Variants in TIMP2 observed in about 807,000 individuals in gnomAD.
TIMP2 encodes the protein TIMP metallopeptidase inhibitor 2.
Under a neutral mutation model 24.3 loss-of-function variants are expected in TIMP2, and 5 were observed. That is an observed-to-expected ratio of 0.21 (90% CI 0.11 to 0.43). TIMP2 has a LOEUF of 0.43. Among genes scored for constraint, TIMP2 ranks in the 20% least tolerant of loss-of-function variants. TIMP2 has a pLI of 1.00. For synonymous variants in TIMP2, 130 were observed against 123.2 expected (o/e 1.06, Z -0.37); for missense variants, 221 against 297.5 (o/e 0.74, Z 1.89).
chr17:78,860,659 C>G (rs529780899), intron 3 of TIMP2, among the ~76,000 whole-genome samples: 1 of 152,194 alleles, frequency 6.6e-6, no homozygotes, highest in Non-Finnish European at 1.5e-5. Flanking sequence ...AGGTGAGGAA[C>G]AGGATGAGAA....
intron 1 of TIMP2, among the ~76,000 whole-genome samples, chr17:78,884,133 G>A (rs989661188): frequency 6.6e-6 from 1 of 152,160 alleles, no homozygotes; most frequent in Non-Finnish European, 1.5e-5. Flanking sequence ...GACCGTGCAG[G>A]GCAGGAGGCA....
chr17:78,908,815 C>T (rs916838471), intron 1 of TIMP2, among the ~76,000 whole-genome samples: 6 of 152,226 alleles, frequency 3.9e-5, no homozygotes, highest in Admixed American at 3.9e-4. Context: ...GCCAACTGGG[C>T]CAAGTGGACA....
At chr17:78,885,653 G>A (rs1206774032) in intron 1 of TIMP2, among the ~76,000 whole-genome samples, 1 of 152,152 alleles carries the variant, frequency 6.6e-6, no homozygotes, top group Non-Finnish European at 1.5e-5. Flanking sequence ...GTGGTGGGAA[G>A]AGAGATGCTG....
intron 4 of TIMP2, chr17:78,856,934 G>C (rs965065583): frequency 6.6e-6 from 1 of 152,440 alleles, no homozygotes; most frequent in Non-Finnish European, 1.5e-5. Context: ...GGAAGCTACA[G>C]GTAACAGAGC....
chr17:78,889,418 T>A (rs2069858740), intron 1 of TIMP2, among the ~76,000 whole-genome samples: 1 of 152,240 alleles, frequency 6.6e-6, no homozygotes, highest in African/African-American at 2.4e-5. Flanking sequence ...CTACTCTCTT[T>A]TCTCTTAAAG....
At chr17:78,921,579 C>A (rs191956999) in intron 1 of TIMP2, among the ~76,000 whole-genome samples, 86 of 152,306 alleles carry the variant, frequency 5.6e-4, no homozygotes, top group African/African-American at 2.0e-3. Flanking sequence ...TAATTTCCAG[C>A]CAGATCCCTG....
At chr17:78,882,225 G>T (rs749979100) in intron 1 of TIMP2, among the ~76,000 whole-genome samples, 1 of 152,218 alleles carries the variant, frequency 6.6e-6, no homozygotes, top group Non-Finnish European at 1.5e-5. Context: ...ACCCATCTTG[G>T]CCTCCCAGAG....
At position 78,907,175 on chromosome 17, in the gene TIMP2, A is replaced by C. The variant is rs536649204; in HGVS notation, c.130+17784T>G. On this transcript the variant is annotated intron_variant, in intron 1 of 4. Transcript: ENST00000262768. Reference sequence around the variant, plus strand: ...CAGCCTCCTGAGTAGCTAGGACTACAGGCATGTGCCACCACACCCAGCTAA... The same window carrying C: ...CAGCCTCCTGAGTAGCTAGGACTACCGGCATGTGCCACCACACCCAGCTAA... Among the ~76,000 whole-genome samples, 4 of 152,208 alleles carry C rather than the reference A, an allele frequency of 2.6e-5. No homozygotes were observed. In the East Asian group the frequency reaches 7.8e-4, roughly 30 times the overall value.
chr17:78,881,379 C>T (rs2069778830), intron 1 of TIMP2, among the ~76,000 whole-genome samples: 1 of 152,244 alleles, frequency 6.6e-6, no homozygotes, highest in South Asian at 2.1e-4. Flanking sequence ...GGGGGCTTCA[C>T]ACATGTGCCA....
chr17:78,869,092 G>A (rs771979793), intron 3 of TIMP2, among the ~76,000 whole-genome samples: 9 of 152,214 alleles, frequency 5.9e-5, no homozygotes, highest in Admixed American at 2.6e-4. Flanking sequence ...AGAGGAGGCC[G>A]TAGAAGGAAG....
chr17:78,894,511 G>A (rs546365033), intron 1 of TIMP2, among the ~76,000 whole-genome samples: 179 of 152,272 alleles, frequency 1.2e-3, no homozygotes, highest in African/African-American at 3.3e-3. Flanking sequence ...CAATGATTGA[G>A]ATTTTTGACA....
chr17:78,883,884 G>C (rs2069801497), intron 1 of TIMP2, among the ~76,000 whole-genome samples: 1 of 152,224 alleles, frequency 6.6e-6, no homozygotes, highest in African/African-American at 2.4e-5. Flanking sequence ...ACGTCCCGCT[G>C]CCCTCCCTTT....
At position 78,855,280 on chromosome 17, in the gene TIMP2, A is replaced by G. The variant is rs2069516117; in HGVS notation, c.*387T>C. On this transcript the variant is annotated 3_prime_UTR_variant, in exon 5 of 5. Transcript: ENST00000262768. This position sits in a 1 kb window ranked among gnomAD's most constrained non-coding sequence, Gnocchi z 6.0. ...CTACACAGTCTTGCAACGACCCTCA[A>G]AAGTTTCTGCAAAATGCACATTTCC... is the stretch of plus-strand genomic sequence containing the variant. 3.4e-6 allele frequency: 1 copy of G among 290,060 alleles called. No homozygotes were observed. Among genetic ancestry groups the G allele is most frequent in the Non-Finnish European group, 6.8e-6 (1 of 147,852 alleles). 18.0% of individuals were successfully genotyped at this position (290,060 alleles called of 1,614,324 possible).
At chr17:78,871,046 CCA>C in intron 2 of TIMP2, 40 bp from the exon 3 acceptor site, 2 of 1,554,696 alleles carry the variant, frequency 1.3e-6, no homozygotes, top group South Asian at 1.1e-5. Context: ...CAGAGGGAGG[CCA>C]CACAGTTGGT....
At chr17:78,859,282 G>A (rs1428133602) in intron 3 of TIMP2, among the ~76,000 whole-genome samples, 3 of 152,108 alleles carry the variant, frequency 2.0e-5, no homozygotes, top group Non-Finnish European at 2.9e-5. Context: ...TAGCCTTGGC[G>A]TTTTACAAGC....
chr17:78,922,780 T>C (rs149759594), intron 1 of TIMP2, among the ~76,000 whole-genome samples: 3 of 152,084 alleles, frequency 2.0e-5, no homozygotes, highest in East Asian at 1.9e-4. Context: ...GATTGCGCCA[T>C]TGCACTCCAG....
intron 1 of TIMP2, among the ~76,000 whole-genome samples, chr17:78,886,081 C>G (rs953492152): frequency 1.1e-4 from 17 of 152,218 alleles, no homozygotes; most frequent in African/African-American, 3.6e-4. Flanking sequence ...AAGAACCACC[C>G]TGTCCCCTTA....
intron 1 of TIMP2, among the ~76,000 whole-genome samples, chr17:78,902,195 C>T (rs2070104765): frequency 6.6e-6 from 1 of 152,220 alleles, no homozygotes; most frequent in Non-Finnish European, 1.5e-5. Flanking sequence ...CAACCTCCAC[C>T]TTCCGGGTTC....
intron 1 of TIMP2, among the ~76,000 whole-genome samples, chr17:78,884,680 A>T (rs1162893077): frequency 6.6e-6 from 1 of 152,052 alleles, no homozygotes; most frequent in Non-Finnish European, 1.5e-5. Flanking sequence ...CTCCAGCTGG[A>T]GGACTTGGCC....
Sources: gnomAD v4.1 joint callset for allele counts (sites outside exome capture counted in the v4.1 genomes callset) on GRCh38, gnomAD v4.1.1 for gene constraint, Gnocchi (gnomAD v3.1) non-coding constraint, MANE v1.5 for transcripts, NCBI Gene and HGNC (gene_info 2026-07-23, HGNC 2026-07-21) for gene names.